MROH9: variants seen among roughly 807,000 people sequenced by gnomAD.
MROH9 encodes the protein maestro heat-like repeat-containing protein family member 9.
A neutral mutation model predicts 98.2 loss-of-function variants in MROH9; 92 were observed. That is an observed-to-expected ratio of 0.94 (90% CI 0.79 to 1.11). The LOEUF (loss-of-function observed/expected upper bound fraction) is 1.11. Ranked by LOEUF, MROH9 falls within the 50% of genes most tolerant of loss-of-function variation. The pLI is 0.00. For synonymous variants in MROH9, 397 were observed against 368.9 expected (o/e 1.08, Z -0.87); for missense variants, 1,057 against 1,014.8 (o/e 1.04, Z -0.57).
intron 20 of MROH9, among the ~76,000 whole-genome samples, chr1:171,033,879 T>A (rs1374554310): frequency 6.6e-6 from 1 of 152,104 alleles, no homozygotes; most frequent in Non-Finnish European, 1.5e-5. Context: ...ATATATAATT[T>A]AAGAAATAAA....
chr1:171,063,277 G>A (rs1013142597), intron 21 of MROH9, among the ~76,000 whole-genome samples: 35 of 118,132 alleles, frequency 3.0e-4, no homozygotes, highest in Middle Eastern at 5.7e-3. Context: ...TTTTTGAGAC[G>A]GAGTCTCCCT....
At chr1:170,995,335 C>A in intron 12 of MROH9, 54 bp from the exon 13 acceptor site, 1 of 1,601,368 alleles carries the variant, frequency 6.2e-7, no homozygotes, top group Non-Finnish European at 8.5e-7. Flanking sequence ...GTAAGGTTGA[C>A]CGGGTTTAGA....
intron 15 of MROH9, among the ~76,000 whole-genome samples, chr1:170,999,295 G>A (rs563708683): frequency 6.6e-6 from 1 of 151,964 alleles, no homozygotes; most frequent in African/African-American, 2.4e-5. Context: ...AATATTTGTA[G>A]TCTGTTATCC....
chr1:170,952,358 C>T (rs1453628666), intron 3 of MROH9, among the ~76,000 whole-genome samples: 1 of 152,186 alleles, frequency 6.6e-6, no homozygotes, highest in East Asian at 1.9e-4. Flanking sequence ...ACCAAATGTC[C>T]ATCAATGATA....
In MROH9 at chr1:170,947,544, C is replaced by G; in HGVS notation, c.43C>G (p.Leu15Val). The change falls in exon 3 of 22, where the codon CTG (leucine) becomes GTG (valine). Residue 15 changes from leucine to valine, a missense_variant. Leu to Val is a conservative substitution (Grantham distance 32, BLOSUM62 1). Transcript: ENST00000367759. ...NPKTKSSLQI[L>V]QDSVKWHHMA... The stretch of plus-strand genomic sequence containing the variant: ...CTGGCTAGAGAGTAGTCTCCAGATT[C>G]TGCAAGACAGTGTGAAATGGCACCA... 6.2e-7 allele frequency: 1 copy of G among 1,611,000 alleles called. No individual in the cohort carries two copies.
intron 10 of MROH9, 97 bp downstream of exon 10, chr1:170,986,807 T>C (rs1651155325): frequency 2.3e-6 from 3 of 1,314,414 alleles, no homozygotes; most frequent in Non-Finnish European, 3.1e-6. Flanking sequence ...TATGTATTTC[T>C]TGTCATTGTT....
At chr1:170,972,524 T>C (rs1183480304) in intron 8 of MROH9, among the ~76,000 whole-genome samples, 1 of 152,040 alleles carries the variant, frequency 6.6e-6, no homozygotes, top group Admixed American at 6.6e-5. Flanking sequence ...ATATACATAG[T>C]TTTTGGCAAG....
intron 21 of MROH9, among the ~76,000 whole-genome samples, chr1:171,062,773 G>C (rs1039052746): frequency 2.6e-5 from 4 of 152,140 alleles, no homozygotes; most frequent in African/African-American, 9.7e-5. Flanking sequence ...AAACAAGTTG[G>C]CTGCCTTCCT....
chr1:170,954,978 C>T (rs1480796355), intron 3 of MROH9, among the ~76,000 whole-genome samples: 2 of 151,992 alleles, frequency 1.3e-5, no homozygotes, highest in Non-Finnish European at 2.9e-5. Context: ...ACTCTTTCCT[C>T]CAAGTCCCCG....
At chr1:171,003,037 A>G (rs551916181) in intron 15 of MROH9, among the ~76,000 whole-genome samples, 8 of 151,830 alleles carry the variant, frequency 5.3e-5, no homozygotes, top group Non-Finnish European at 1.2e-4. Context: ...TGTTCATTCT[A>G]TTGCTGAGAC....
chr1:171,009,851 G>A (rs73038291), intron 15 of MROH9, among the ~76,000 whole-genome samples: 11,663 of 152,314 alleles, frequency 0.077, 534 homozygotes, highest in African/African-American at 0.12. Context: ...AAAGGCCCAT[G>A]GGGCCATGTC....
chr1:171,001,930 G>T (rs1273771642), intron 15 of MROH9, among the ~76,000 whole-genome samples: 1 of 152,058 alleles, frequency 6.6e-6, no homozygotes, highest in African/African-American at 2.4e-5. Flanking sequence ...CTAGTATTAG[G>T]TGCAAATATG....
intron 15 of MROH9, chr1:170,998,521 A>T (rs1247001564): frequency 9.8e-6 from 14 of 1,435,392 alleles, no homozygotes; most frequent in Non-Finnish European, 8.2e-6. Flanking sequence ...AATTTGTACA[A>T]AAACTAATTA....
In MROH9 at chr1:171,009,682, T is replaced by C. The variant is rs531790457; in HGVS notation, c.1597-4435T>C. Among the ~76,000 whole-genome samples the C allele has an allele frequency of 2.0e-5, 3 of 152,354 alleles. No individual in the cohort carries two copies. In the East Asian group the frequency reaches 5.8e-4, roughly 29 times the overall value. On this transcript the variant is annotated intron_variant, in intron 15 of 21. Transcript: ENST00000367759. ...TAAAAGCCAAGAAGACATGATATTC[T>C]GACAGCTAGGAGTACTTTAGCATCC...
At chr1:170,982,727 G>A (rs28470677) in intron 8 of MROH9, among the ~76,000 whole-genome samples, 49,070 of 151,618 alleles carry the variant, frequency 0.32, 8,055 homozygotes, top group Middle Eastern at 0.47. Flanking sequence ...CTATCTCTAC[G>A]AAATATGTAT....
At chr1:170,990,688 A>G (rs993273080) in intron 11 of MROH9, among the ~76,000 whole-genome samples, 1 of 152,134 alleles carries the variant, frequency 6.6e-6, no homozygotes, top group Non-Finnish European at 1.5e-5. Context: ...TTTGAAGAGG[A>G]CTTGGGCTTT....
rs1394488634 is a variant in MROH9, at chr1:171,064,696, T to C, written c.*356T>C. The C allele has an allele frequency of 5.5e-6, 1 of 181,672 alleles. No individual in the cohort carries two copies. Among genetic ancestry groups the C allele is most frequent in the African/African-American group, 2.4e-5 (1 of 41,920 alleles). The allele number at this position is 181,672 out of a possible 1,614,324, so 11.3% of individuals were successfully genotyped here. A position where few individuals can be genotyped will look rare whatever the true frequency, so the allele number is the denominator to read the frequency against. ...CACCTTCTAAGTGCCAGATACTGTG[T>C]TAGGCAGTGGGGACATTTGGATGAT... On this transcript the variant is annotated 3_prime_UTR_variant, in exon 22 of 22. Transcript: ENST00000367759.
At chr1:170,987,508 T>C (rs1246406788) in intron 10 of MROH9, among the ~76,000 whole-genome samples, 1 of 152,182 alleles carries the variant, frequency 6.6e-6, no homozygotes, top group Non-Finnish European at 1.5e-5. Context: ...TCTCTCTCAA[T>C]TCTTCATGCT....
At chr1:170,992,397 C>T (rs1412848470) in intron 12 of MROH9, 68 bp downstream of exon 12, 3 of 1,492,020 alleles carry the variant, frequency 2.0e-6, no homozygotes, top group Admixed American at 1.9e-5. Context: ...CCCTATCTGC[C>T]CACAGACTCA....
Sources: gnomAD v4.1 joint callset for allele counts (sites outside exome capture counted in the v4.1 genomes callset) on GRCh38, gnomAD v4.1.1 for gene constraint, MANE v1.5 for transcripts, NCBI Gene and HGNC (gene_info 2026-07-23, HGNC 2026-07-21) for gene names.